Variants in NEK11 observed in about 807,000 individuals in gnomAD.
NEK11 encodes NIMA related kinase 11, also known as serine/threonine-protein kinase Nek11.
NEK11 carries 72 observed loss-of-function variants against 80.7 expected under a neutral mutation model. The ratio of observed to expected loss-of-function variants is 0.89; its 90% CI spans 0.74 to 1.08. The LOEUF is 1.08. Among genes scored for constraint, NEK11 ranks in the 50% least tolerant of loss-of-function variants. The pLI, the probability that NEK11 is intolerant of heterozygous loss-of-function variation, is 0.00. For missense variants in NEK11, 764 were observed against 763.6 expected, an observed-to-expected ratio of 1.00 and a Z score of -0.01; for synonymous variants, 251 against 260.7, an observed-to-expected ratio of 0.96 and a Z score of 0.36.
chr3:131,041,119 A>T (rs941853223), intron 3 of NEK11, among the ~76,000 whole-genome samples: 8 of 152,120 alleles, frequency 5.3e-5, no homozygotes, highest in Non-Finnish European at 1.2e-4. Context: ...GCAATATTGG[A>T]TTTGCTATTT....
intron 17 of NEK11, among the ~76,000 whole-genome samples, chr3:131,302,762 T>C (rs186733233): frequency 6.6e-6 from 1 of 152,330 alleles, no homozygotes; most frequent in East Asian, 1.9e-4. Flanking sequence ...ATTTGTGTTG[T>C]GGCTGATTGT....
intron 16 of NEK11, among the ~76,000 whole-genome samples, chr3:131,272,460 CTTCTTTTTT>C (rs2096210327): frequency 3.5e-5 from 2 of 56,416 alleles, no homozygotes; most frequent in African/African-American, 1.2e-4. Context: ...CCAGTTTTAG[CTTCTTTTTT>C]TTTTTTTTTT....
intron 14 of NEK11, among the ~76,000 whole-genome samples, chr3:131,207,155 G>A (rs867762800): frequency 6.6e-6 from 1 of 152,210 alleles, no homozygotes; most frequent in Non-Finnish European, 1.5e-5. Flanking sequence ...ATAGTAGCAC[G>A]ATTTATAATC....
At chr3:131,183,655 T>C (rs2093471296) in intron 14 of NEK11, among the ~76,000 whole-genome samples, 1 of 152,242 alleles carries the variant, frequency 6.6e-6, no homozygotes, top group Non-Finnish European at 1.5e-5. Flanking sequence ...ATGGTGTATA[T>C]GTATCACATT....
At chr3:131,107,526 G>C (rs922069532) in intron 4 of NEK11, among the ~76,000 whole-genome samples, 6 of 152,064 alleles carry the variant, frequency 3.9e-5, no homozygotes, top group African/African-American at 1.2e-4. Flanking sequence ...GTAGGCAATA[G>C]TCTTTCTGCC....
At chr3:131,257,742 AC>A (rs1403823690) in intron 16 of NEK11, among the ~76,000 whole-genome samples, 1 of 152,188 alleles carries the variant, frequency 6.6e-6, no homozygotes, top group African/African-American at 2.4e-5. Flanking sequence ...AACTAGTACA[AC>A]CACTATGGAA....
chr3:131,170,970 G>A (rs1181637567), intron 14 of NEK11, 83 bp downstream of exon 14: 5 of 930,348 alleles, frequency 5.4e-6, no homozygotes, highest in South Asian at 5.2e-5. Flanking sequence ...GGGTCTGTCT[G>A]GCCTCTGGGA....
chr3:131,347,946 T>C (rs2097390482), intron 17 of NEK11, among the ~76,000 whole-genome samples: 1 of 152,180 alleles, frequency 6.6e-6, no homozygotes, highest in East Asian at 1.9e-4. Context: ...ATCCTGGTTT[T>C]TCTTTTTACC....
At chr3:131,211,013 A>G (rs1199676007) in intron 14 of NEK11, among the ~76,000 whole-genome samples, 2 of 152,186 alleles carry the variant, frequency 1.3e-5, no homozygotes, top group Non-Finnish European at 2.9e-5. Context: ...TGATCCTGTC[A>G]TTATGATGTT....
At chr3:131,178,293 T>G (rs920821035) in intron 14 of NEK11, among the ~76,000 whole-genome samples, 1 of 152,226 alleles carries the variant, frequency 6.6e-6, no homozygotes, top group Admixed American at 6.5e-5. Flanking sequence ...AAATTTATTT[T>G]GAAAATATTT....
At chr3:131,224,778 C>A (rs1008770762) in intron 14 of NEK11, among the ~76,000 whole-genome samples, 3 of 151,750 alleles carry the variant, frequency 2.0e-5, no homozygotes, top group Non-Finnish European at 4.4e-5. Context: ...ATGTTTGTGT[C>A]TTCATTTTTA....
At chr3:131,274,143 A>G (rs1168078688) in intron 17 of NEK11, among the ~76,000 whole-genome samples, 7 of 125,094 alleles carry the variant, frequency 5.6e-5, no homozygotes, top group African/African-American at 3.1e-5. Context: ...AGAGTGTGAT[A>G]TTCCCCTTCC....
Position 131,143,722 on chromosome 3 carries a change from G to A in NEK11, c.648-8666G>A, listed in dbSNP as rs138801937. ...TCATAAAAAATTGCTATATAATATT[G>A]TTCCTTAAGTACTATTACTTCAAGC... On this transcript the variant is annotated intron_variant, in intron 7 of 17. Coordinates refer to ENST00000383366, the MANE Select transcript of NEK11 (RefSeq NM_024800.5). Among the ~76,000 whole-genome samples the A allele has an allele frequency of 2.1e-4, 32 of 151,912 alleles. 1 individual carries two copies. The highest frequency in any genetic ancestry group is 7.5e-4 in the African/African-American group (31 of 41,382).
intron 17 of NEK11, among the ~76,000 whole-genome samples, chr3:131,333,341 C>T (rs1318951866): frequency 6.6e-6 from 1 of 152,174 alleles, no homozygotes; most frequent in Non-Finnish European, 1.5e-5. Flanking sequence ...GAATTTTCAA[C>T]CCAGAATTTC....
rs117628904 is a variant in NEK11 at position 131,175,103 on chromosome 3, A to G, written c.1399+4216A>G. 8.1e-3 allele frequency: 8,773 copies of G among 1,083,182 alleles called. 112 individuals carry two copies. The highest frequency in any genetic ancestry group is 0.052 in the South Asian group (1,163 of 22,262). The allele number at this position is 1,083,182 out of a possible 1,614,324, so 67.1% of individuals were successfully genotyped here. On this transcript the variant is annotated intron_variant, in intron 14 of 17. Coordinates refer to ENST00000383366, the MANE Select transcript of NEK11 (RefSeq NM_024800.5). ...ATCACCTCTTCTTTTTAAATGTCCA[A>G]GTGGAAATAAAGTGATTTGAACTTT...
intron 17 of NEK11, among the ~76,000 whole-genome samples, chr3:131,285,771 G>A (rs2096462774): frequency 6.6e-6 from 1 of 152,120 alleles, no homozygotes; most frequent in South Asian, 2.1e-4. Context: ...AATAATTTCT[G>A]TGTGTGCACG....
chr3:131,182,215 T>C (rs2093396085), intron 14 of NEK11, among the ~76,000 whole-genome samples: 1 of 151,856 alleles, frequency 6.6e-6, no homozygotes, highest in Admixed American at 6.6e-5. Flanking sequence ...TCTTTTTCAC[T>C]CATCAGTAAC....
intron 17 of NEK11, among the ~76,000 whole-genome samples, chr3:131,312,820 T>C (rs1056297225): frequency 3.3e-5 from 5 of 152,116 alleles, no homozygotes; most frequent in African/African-American, 1.2e-4. Flanking sequence ...AGACAAAAGT[T>C]TTTTTAAAAA....
At chr3:131,289,811 AC>A (rs1404899323) in intron 17 of NEK11, among the ~76,000 whole-genome samples, 1 of 152,156 alleles carries the variant, frequency 6.6e-6, no homozygotes, top group Non-Finnish European at 1.5e-5. Flanking sequence ...GTCTGTTATC[AC>A]CCAGAGGTTC....
Sources: allele counts gnomAD v4.1 joint callset (sites outside exome capture counted in the v4.1 genomes callset), GRCh38; gene constraint gnomAD v4.1.1; transcripts MANE v1.5; gene names NCBI Gene and HGNC (gene_info 2026-07-23, HGNC 2026-07-21).